Variants in SLC35F3 observed in about 807,000 individuals in gnomAD.
The protein encoded by SLC35F3 is putative thiamine transporter SLC35F3.
SLC35F3 carries 25 observed loss-of-function variants against 49.9 expected under a neutral mutation model. That is an observed-to-expected ratio of 0.50 (90% CI 0.37 to 0.70). The LOEUF is 0.70. Among genes scored for constraint, SLC35F3 ranks in the 30% least tolerant of loss-of-function variants. The probability of loss-of-function intolerance (pLI) is 0.00; values close to 1 mark genes in which losing one functional copy is unlikely to be tolerated. For missense variants in SLC35F3, 525 were observed against 639.8 expected (o/e 0.82, Z 1.94); for synonymous variants, 275 against 265.4 (o/e 1.04, Z -0.35).
At chr1:234,067,669 G>A (rs1572039160) in intron 2 of SLC35F3, among the ~76,000 whole-genome samples, 1 of 152,198 alleles carries the variant, frequency 6.6e-6, no homozygotes, top group Admixed American at 6.5e-5. Flanking sequence ...GAGAGTCCCA[G>A]CCAATAGCCA....
chr1:234,140,657 G>C (rs80189296), intron 2 of SLC35F3, among the ~76,000 whole-genome samples: 1 of 150,574 alleles, frequency 6.6e-6, no homozygotes, highest in East Asian at 1.9e-4. Flanking sequence ...AACGGCAGAC[G>C]AACACTCAGG....
At chr1:234,198,603 A>T (rs1666849722) in intron 2 of SLC35F3, among the ~76,000 whole-genome samples, 2 of 59,198 alleles carry the variant, frequency 3.4e-5, no homozygotes, top group African/African-American at 3.0e-4. Flanking sequence ...GTGGTACCTC[A>T]TTGTGTTTTT....
At chr1:233,997,444 G>A (rs934466981) in intron 2 of SLC35F3, among the ~76,000 whole-genome samples, 8 of 152,116 alleles carry the variant, frequency 5.3e-5, no homozygotes, top group African/African-American at 1.9e-4. Flanking sequence ...ACTCTAATGG[G>A]TGTGAGGTGA....
At chr1:233,983,949 C>T (rs150970804) in intron 2 of SLC35F3, among the ~76,000 whole-genome samples, 1 of 152,250 alleles carries the variant, frequency 6.6e-6, no homozygotes, top group Non-Finnish European at 1.5e-5. Flanking sequence ...AAGACTATGC[C>T]GGAAAGCTCA....
intron 2 of SLC35F3, among the ~76,000 whole-genome samples, chr1:234,075,868 A>C (rs1462340628): frequency 3.3e-5 from 5 of 152,210 alleles, no homozygotes; most frequent in Non-Finnish European, 7.3e-5. Flanking sequence ...TATACTGAGT[A>C]ATTGACTATT....
At chr1:233,944,422 T>C (rs2102800902) in intron 2 of SLC35F3, among the ~76,000 whole-genome samples, 1 of 152,348 alleles carries the variant, frequency 6.6e-6, no homozygotes, top group Non-Finnish European at 1.5e-5. Flanking sequence ...GTAGTGCTTG[T>C]ATATGCATAC....
chr1:234,019,216 A>G (rs763127880), intron 2 of SLC35F3, among the ~76,000 whole-genome samples: 10 of 152,180 alleles, frequency 6.6e-5, no homozygotes, highest in African/African-American at 1.9e-4. Flanking sequence ...GGTTGAGATG[A>G]TCACATGTCA....
intron 2 of SLC35F3, among the ~76,000 whole-genome samples, chr1:233,934,820 A>G (rs1006094713): frequency 2.5e-5 from 2 of 79,272 alleles, no homozygotes; most frequent in African/African-American, 6.9e-5. Context: ...CAATGTTTCA[A>G]TGAAAATCTA....
intron 3 of SLC35F3, among the ~76,000 whole-genome samples, chr1:234,259,370 TAAG>T (rs1667866997): frequency 6.6e-6 from 1 of 152,082 alleles, no homozygotes; most frequent in Non-Finnish European, 1.5e-5. Flanking sequence ...TCAACAATAA[TAAG>T]AAAGAAATAG....
At chr1:234,180,750 T>G (rs1361658503) in intron 2 of SLC35F3, among the ~76,000 whole-genome samples, 1 of 152,198 alleles carries the variant, frequency 6.6e-6, no homozygotes, top group African/African-American at 2.4e-5. Flanking sequence ...GAAATAAAAG[T>G]CATCACATAC....
At chr1:234,257,471 C>T (rs2102966562) in intron 3 of SLC35F3, among the ~76,000 whole-genome samples, 1 of 152,242 alleles carries the variant, frequency 6.6e-6, no homozygotes, top group Non-Finnish European at 1.5e-5. Flanking sequence ...TTGCCATTTG[C>T]TTTGTAACAA....
chr1:234,184,300 C>G (rs1379947), intron 2 of SLC35F3, among the ~76,000 whole-genome samples: 11,961 of 152,080 alleles, frequency 0.079, 1,304 homozygotes, highest in African/African-American at 0.25. Context: ...ATATTCAGTC[C>G]CATAGCAAAA....
intron 2 of SLC35F3, among the ~76,000 whole-genome samples, chr1:234,135,505 A>G (rs1460789480): frequency 6.6e-6 from 1 of 152,226 alleles, no homozygotes; most frequent in African/African-American, 2.4e-5. Context: ...AGGACTCACA[A>G]GGACCCAGCA....
chr1:234,220,839 G>A (rs1480867098), intron 2 of SLC35F3, among the ~76,000 whole-genome samples: 1 of 152,170 alleles, frequency 6.6e-6, no homozygotes, highest in African/African-American at 2.4e-5. Context: ...GGGAGGGAGA[G>A]ATGGGGGAGT....
At chr1:234,100,949 T>C (rs1282449839) in intron 2 of SLC35F3, among the ~76,000 whole-genome samples, 1 of 152,188 alleles carries the variant, frequency 6.6e-6, no homozygotes, top group Non-Finnish European at 1.5e-5. Context: ...ATCCACCTCA[T>C]CAGCCTCCTC....
intron 2 of SLC35F3, among the ~76,000 whole-genome samples, chr1:234,185,445 T>G (rs1034474607): frequency 1.3e-5 from 2 of 152,240 alleles, no homozygotes; most frequent in African/African-American, 4.8e-5. Context: ...CATTTCATTT[T>G]GTAATTTTAA....
At chr1:234,137,931 G>A (rs1294927951) in intron 2 of SLC35F3, among the ~76,000 whole-genome samples, 1 of 152,174 alleles carries the variant, frequency 6.6e-6, no homozygotes, top group Non-Finnish European at 1.5e-5. Flanking sequence ...GATTTGGGTT[G>A]GGGTGAGTGG....
chr1:233,918,470 T>C (rs1295086592), intron 2 of SLC35F3, among the ~76,000 whole-genome samples: 1 of 152,164 alleles, frequency 6.6e-6, no homozygotes, highest in African/African-American at 2.4e-5. Context: ...TGGAGCCAGT[T>C]GGGAAAATTT....
At chr1:233,975,993 A>T (rs79878453) in intron 2 of SLC35F3, among the ~76,000 whole-genome samples, 3,792 of 152,312 alleles carry the variant, frequency 0.025, 89 homozygotes, top group Middle Eastern at 0.061. Context: ...AGAGGAAGAA[A>T]TAAGATAATC....
Sources: gnomAD v4.1 joint callset for allele counts (sites outside exome capture counted in the v4.1 genomes callset) on GRCh38, gnomAD v4.1.1 for gene constraint, MANE v1.5 for transcripts, NCBI Gene and HGNC (gene_info 2026-07-23, HGNC 2026-07-21) for gene names.